The following EFCAB11 variants were observed in gnomAD, a reference collection of about 807,000 sequenced individuals.
EFCAB11 encodes the protein EF-hand calcium binding domain 11.
A neutral mutation model predicts 23.0 loss-of-function variants in EFCAB11; 14 were observed. The ratio of observed to expected loss-of-function variants is 0.61; its 90% CI spans 0.40 to 0.95. The LOEUF (loss-of-function observed/expected upper bound fraction) is 0.95. Among genes scored for constraint, EFCAB11 ranks in the 40% least tolerant of loss-of-function variants. The pLI is 0.00. For synonymous variants in EFCAB11, 65 were observed against 66.6 expected, an observed-to-expected ratio of 0.98 and a Z score of 0.11; for missense variants, 198 against 195.8, an observed-to-expected ratio of 1.01 and a Z score of -0.07.
chr14:89,823,633 A>G (rs1410404837), intron 5 of EFCAB11, among the ~76,000 whole-genome samples: 1 of 152,234 alleles, frequency 6.6e-6, no homozygotes, highest in African/African-American at 2.4e-5. Flanking sequence ...TGGAAACAGA[A>G]TCAGAAACAA....
intron 5 of EFCAB11, among the ~76,000 whole-genome samples, chr14:89,904,266 G>T (rs1262792714): frequency 6.6e-6 from 1 of 151,980 alleles, no homozygotes; most frequent in East Asian, 1.9e-4. Context: ...TAGAATGATG[G>T]TTTCCAGCTT....
chr14:89,900,337 T>A (rs1889302088), intron 5 of EFCAB11, among the ~76,000 whole-genome samples: 1 of 152,068 alleles, frequency 6.6e-6, no homozygotes, highest in Admixed American at 6.5e-5. Context: ...ACAGTGATGA[T>A]CTCTAGGGCA....
At chr14:89,905,110 G>A (rs1889456967) in intron 5 of EFCAB11, among the ~76,000 whole-genome samples, 1 of 152,174 alleles carries the variant, frequency 6.6e-6, no homozygotes, top group Non-Finnish European at 1.5e-5. Flanking sequence ...AAGGAGCTGT[G>A]ACCATCTCTG....
rs79583175 is a variant in EFCAB11, at chr14:89,805,944, G to A, written c.411-8620C>T. ...CCATAAATAATTTAGATTTCTCCTC[G>A]GATGCTAGCTCAAGATTCTGGATTA... On this transcript the variant is annotated intron_variant, in intron 5 of 5. Transcript: ENST00000316738. 2.0e-4 allele frequency among the ~76,000 whole-genome samples: 31 copies of A among 152,196 alleles called. No individual in the cohort carries two copies. In the East Asian group the frequency reaches 4.1e-3, roughly 20 times the overall value.
intron 5 of EFCAB11, among the ~76,000 whole-genome samples, chr14:89,920,208 C>A (rs1889979698): frequency 1.3e-5 from 2 of 152,190 alleles, no homozygotes. Context: ...ATAAATGTTG[C>A]ATCAGCTTCC....
intron 5 of EFCAB11, among the ~76,000 whole-genome samples, chr14:89,801,919 A>AGGAGCT (rs1366350723): frequency 6.6e-6 from 1 of 151,962 alleles, no homozygotes; most frequent in Middle Eastern, 3.2e-3. Flanking sequence ...GGTTGAAGCC[A>AGGAGCT]GGAGCTGGAG....
chr14:89,819,733 A>G (rs1036114928), intron 5 of EFCAB11, among the ~76,000 whole-genome samples: 1 of 152,200 alleles, frequency 6.6e-6, no homozygotes, highest in Admixed American at 6.5e-5. Context: ...TACTGTGCCC[A>G]GCCCCAAAGA....
At chr14:89,937,532 T>A (rs980622052) in intron 3 of EFCAB11, among the ~76,000 whole-genome samples, 1 of 152,152 alleles carries the variant, frequency 6.6e-6, no homozygotes, top group Non-Finnish European at 1.5e-5. Flanking sequence ...CTATAACATA[T>A]ATATATATAT....
chr14:89,814,258 G>A (rs2140093441), intron 5 of EFCAB11, among the ~76,000 whole-genome samples: 2 of 152,234 alleles, frequency 1.3e-5, no homozygotes, highest in Middle Eastern at 6.8e-3. Context: ...GAAGGGATCT[G>A]TGGTGAGGGC....
intron 5 of EFCAB11, among the ~76,000 whole-genome samples, chr14:89,800,005 G>A (rs1248305949): frequency 6.6e-6 from 1 of 152,082 alleles, no homozygotes; most frequent in Non-Finnish European, 1.5e-5. Context: ...GGCCAATGTG[G>A]TGAAACCCAA....
At chr14:89,818,412 C>T (rs1274551965) in intron 5 of EFCAB11, among the ~76,000 whole-genome samples, 1 of 141,640 alleles carries the variant, frequency 7.1e-6, no homozygotes, top group East Asian at 2.0e-4. Context: ...AGTAGAACTA[C>T]AAAAGAAAGA....
intron 5 of EFCAB11, among the ~76,000 whole-genome samples, chr14:89,926,378 T>C (rs1339412926): frequency 1.3e-5 from 2 of 152,172 alleles, no homozygotes; most frequent in Non-Finnish European, 2.9e-5. Flanking sequence ...AAAATCACTG[T>C]TTCCCCTAAT....
intron 5 of EFCAB11, among the ~76,000 whole-genome samples, chr14:89,803,621 A>G (rs1405237311): frequency 6.6e-6 from 1 of 152,204 alleles, no homozygotes; most frequent in Admixed American, 6.5e-5. Flanking sequence ...TTGATTCTTT[A>G]TGGAATAATT....
In EFCAB11 at chr14:89,815,185, C is replaced by T. The variant is rs370931411; in HGVS notation, c.411-17861G>A. Among the ~76,000 whole-genome samples, 47 of 152,258 alleles carry T rather than the reference C, an allele frequency of 3.1e-4. No homozygotes were observed. The South Asian group carries it at 8.3e-3, about 27-fold the overall frequency. ...ATCACAATGAACATCCTCCCCAGAG[C>T]CCTGCAGAATAGCCCAAGAGAACGT... On this transcript the variant is annotated intron_variant, in intron 5 of 5. Coordinates refer to ENST00000316738, the MANE Select transcript of EFCAB11 (RefSeq NM_145231.4).
At chr14:89,900,615 AT>A (rs930574673) in intron 5 of EFCAB11, among the ~76,000 whole-genome samples, 1 of 152,206 alleles carries the variant, frequency 6.6e-6, no homozygotes, top group Non-Finnish European at 1.5e-5. Flanking sequence ...AGTGGGAAGG[AT>A]TGGCCATGCC....
At chr14:89,920,343 A>G (rs1000823956) in intron 5 of EFCAB11, among the ~76,000 whole-genome samples, 9 of 152,240 alleles carry the variant, frequency 5.9e-5, no homozygotes, top group African/African-American at 2.2e-4. Context: ...GGCAGAGTGA[A>G]TAGGCCTTGC....
chr14:89,801,823 G>A (rs960786384), intron 5 of EFCAB11, among the ~76,000 whole-genome samples: 9 of 152,014 alleles, frequency 5.9e-5, no homozygotes, highest in South Asian at 4.2e-4. Context: ...GTGAAACCCC[G>A]TCTCTACTAA....
intron 5 of EFCAB11, among the ~76,000 whole-genome samples, chr14:89,800,916 G>T (rs1885755524): frequency 6.6e-6 from 1 of 151,966 alleles, no homozygotes; most frequent in Non-Finnish European, 1.5e-5. Context: ...GGTGGCATGT[G>T]CCTGTAATCC....
At position 89,903,575 on chromosome 14, in the gene EFCAB11, G is replaced by C. The variant is rs116740223; in HGVS notation, c.410+27966C>G. Among the ~76,000 whole-genome samples the C allele has an allele frequency of 3.1e-3, 361 of 115,288 alleles. 2 individuals carry two copies. The highest frequency in any genetic ancestry group is 0.012 in the African/African-American group (328 of 28,268). The allele number at this position is 115,288 out of a possible 152,430, so 75.6% of individuals were successfully genotyped here. On this transcript the variant is annotated intron_variant, in intron 5 of 5. Transcript: ENST00000316738. ...TTCCTTATAATGGGTAAAAGAGAAG[G>C]GGGGGGGCAATTCTGGGTGTTTGCA...
Sources: allele counts gnomAD v4.1 joint callset (sites outside exome capture counted in the v4.1 genomes callset), GRCh38; gene constraint gnomAD v4.1.1; transcripts MANE v1.5; gene names NCBI Gene and HGNC (gene_info 2026-07-23, HGNC 2026-07-21).